The following SSR1 variants were observed in gnomAD, a reference collection of about 807,000 sequenced individuals.
The protein encoded by SSR1 is signal sequence receptor subunit 1, also known as translocon-associated protein subunit alpha.
In SSR1, 13 loss-of-function variants were observed where a neutral mutation model predicts 36.1. That is an observed-to-expected ratio of 0.36 (90% CI 0.23 to 0.57). SSR1 has a LOEUF of 0.57. SSR1 is among the 20% of genes least tolerant of loss of function. SSR1 has a pLI of 0.81. For missense variants in SSR1, 291 were observed against 338.5 expected, an observed-to-expected ratio of 0.86 and a Z score of 1.10; for synonymous variants, 113 against 118.9, an observed-to-expected ratio of 0.95 and a Z score of 0.32.
Position 7,297,938 on chromosome 6 carries a change from G to A in SSR1, c.684C>T (p.Leu228=). The A allele has an allele frequency of 1.2e-6, 2 of 1,613,140 alleles. No homozygotes were observed. The highest frequency in any genetic ancestry group is 1.7e-6 in the Non-Finnish European group (2 of 1,179,526). ...GLLVIVGLHQ[L]LESRKRKRPI... ...CCATAATTACCTTTCTAGATTCTAG[G>A]AGTTGATGAAGGCCAACAATAACCA... Residue 228 remains leucine, a synonymous_variant, in exon 6 of 8, where the codon CTC becomes CTT. Transcript: ENST00000244763.
At chr6:7,298,873 G>A (rs1288321369) in intron 4 of SSR1, 50 bp from the exon 5 acceptor site, 2 of 1,409,434 alleles carry the variant, frequency 1.4e-6, no homozygotes, top group Non-Finnish European at 1.0e-6. Flanking sequence ...AATAAAGGAA[G>A]TAAAACATGT....
At chr6:7,307,137 G>A (rs987313619) in intron 2 of SSR1, among the ~76,000 whole-genome samples, 2 of 152,092 alleles carry the variant, frequency 1.3e-5, no homozygotes, top group Non-Finnish European at 2.9e-5. Context: ...CTGAGTATAG[G>A]GTGATAAATC....
In SSR1 at chr6:7,306,639, A is replaced by G. The variant is rs1043903893; in HGVS notation, c.193-3002T>C. Among the ~76,000 whole-genome samples, 6 of 151,834 alleles carry G rather than the reference A, an allele frequency of 4.0e-5. No individual in the cohort carries two copies. The East Asian group carries it at 5.9e-4, about 15-fold the overall frequency. On this transcript the variant is annotated intron_variant, in intron 2 of 7. Coordinates refer to ENST00000244763, the MANE Select transcript of SSR1 (RefSeq NM_003144.5). ...TAGAAAAGCCCAAGGTGACTAGGCC[A>G]GGTGCAGTGGCTCATGCCTGTAATC...
intron 7 of SSR1, chr6:7,294,923 AAT>A: frequency 2.0e-6 from 1 of 503,376 alleles, no homozygotes; most frequent in East Asian, 3.4e-5. Context: ...ATTGTCGGGT[AAT>A]ATTTTAGGTT....
chr6:7,289,944 AGAAAGTTTTAAGCTTGCCTATTAT>A lies in SSR1; in HGVS notation c.794-37_794-14del. On this transcript the variant is annotated splice_polypyrimidine_tract_variant and intron_variant, in intron 7 of 7. Coordinates refer to ENST00000244763, the MANE Select transcript of SSR1 (RefSeq NM_003144.5). ...GGTGAAGCTTTATCTGGAAGAAAAG[AGAAAGTTTTAAGCTTGCCTATTAT>A]AAGTATATTGAATTCAAAAGACATG... The A allele has an allele frequency of 1.3e-6, 2 of 1,533,332 alleles. No individual in the cohort carries two copies. Among genetic ancestry groups the A allele is most frequent in the African/African-American group, 1.4e-5 (1 of 69,486 alleles). The allele number at this position is 1,533,332 out of a possible 1,614,324, so 95.0% of individuals were successfully genotyped here. A position where few individuals can be genotyped will look rare whatever the true frequency, so the allele number is the denominator to read the frequency against.
At chr6:7,292,941 A>C (rs1305615186) in intron 7 of SSR1, among the ~76,000 whole-genome samples, 3 of 152,192 alleles carry the variant, frequency 2.0e-5, no homozygotes, top group Admixed American at 6.5e-5. Flanking sequence ...AGCAGTAGAG[A>C]AAACAATTTA....
At position 7,287,778 on chromosome 6, in the gene SSR1, G is replaced by A. The variant is rs1757587619; in HGVS notation, c.*2086C>T. The A allele has an allele frequency of 6.6e-6, 1 of 152,592 alleles. No individual in the cohort carries two copies. Among genetic ancestry groups the A allele is most frequent in the Non-Finnish European group, 1.5e-5 (1 of 68,054 alleles). The allele number at this position is 152,592 out of a possible 1,614,324, so 9.5% of individuals were successfully genotyped here. The stretch of plus-strand genomic sequence containing the variant: ...ATTTTAAAAAGACATTTAAAAAATA[G>A]GCTACTTATTAAGTGTGCTTGAACA... On this transcript the variant is annotated 3_prime_UTR_variant, in exon 8 of 8. Transcript: ENST00000244763.
Position 7,309,670 on chromosome 6 carries a change from G to A in SSR1, c.192+247C>T, listed in dbSNP as rs575287267. On this transcript the variant is annotated intron_variant, in intron 2 of 7. Coordinates refer to ENST00000244763, the MANE Select transcript of SSR1 (RefSeq NM_003144.5). ...CACAAGATCTGATGGTTTTTATAAG[G>A]GGCTTTCCCCACCCTTTGCTCTGCA... is the stretch of plus-strand genomic sequence containing the variant. Among the ~76,000 whole-genome samples the A allele has an allele frequency of 1.6e-4, 24 of 152,184 alleles. No homozygotes were observed. In the South Asian group the frequency reaches 5.0e-3, roughly 32 times the overall value.
intron 7 of SSR1, among the ~76,000 whole-genome samples, chr6:7,294,295 A>G (rs1757744169): frequency 6.6e-6 from 1 of 152,260 alleles, no homozygotes; most frequent in African/African-American, 2.4e-5. Context: ...AGTTGTAGAC[A>G]GCATGATGCA....
chr6:7,293,992 C>T (rs1757737632), intron 7 of SSR1, among the ~76,000 whole-genome samples: 1 of 152,030 alleles, frequency 6.6e-6, no homozygotes, highest in African/African-American at 2.4e-5. Context: ...CTTTTTTTCC[C>T]CTTTTAGGAG....
chr6:7,297,047 C>T (rs1757812026), intron 6 of SSR1: 1 of 251,546 alleles, frequency 4.0e-6, no homozygotes. Flanking sequence ...ATGGCGAAAC[C>T]CTGTCTCTAC....
In SSR1 at chr6:7,284,006, T is replaced by C. The variant is rs1237699173; in HGVS notation, c.*5858A>G. On this transcript the variant is annotated 3_prime_UTR_variant, in exon 8 of 8. Transcript: ENST00000244763. The stretch of plus-strand genomic sequence containing the variant: ...GAAGGGCAGAGCAGATGCTTGATGT[T>C]CTCCATCTGAACACTACTCTTGACC... The C allele has an allele frequency of 6.6e-6, 1 of 152,240 alleles. No individual in the cohort carries two copies. The highest frequency in any genetic ancestry group is 1.5e-5 in the Non-Finnish European group (1 of 68,048). The allele number at this position is 152,240 out of a possible 1,614,324, so 9.4% of individuals were successfully genotyped here. A position where few individuals can be genotyped will look rare whatever the true frequency, so the allele number is the denominator to read the frequency against.
At chr6:7,303,419 C>G (rs112067568) in intron 3 of SSR1, 131 bp downstream of exon 3, 258 of 537,686 alleles carry the variant, frequency 4.8e-4, no homozygotes, top group African/African-American at 4.4e-3. Context: ...TTTATTGTGT[C>G]TATATCACCT....
Position 7,313,061 on chromosome 6 carries a change from C to T in SSR1, c.60G>A (p.Leu20=). 1.2e-6 allele frequency: 2 copies of T among 1,608,808 alleles called. No individual in the cohort carries two copies. ...CCTCACCTCTGGGGCCGCCTCGGAA[C>T]AAGACAGTGGCAGGGAACACGAGTA... The part of the protein sequence containing the change: ...LLLLVFPATV[L]FRGGPRGLLA... The change falls in exon 1 of 8, where the codon TTG becomes TTA. Residue 20 remains leucine, a synonymous_variant. Transcript: ENST00000244763.
chr6:7,290,965 C>A (rs746872437), intron 7 of SSR1, among the ~76,000 whole-genome samples: 33 of 129,524 alleles, frequency 2.5e-4, no homozygotes, highest in Non-Finnish European at 5.3e-4. Flanking sequence ...ACGATCTCCG[C>A]TCTCCACCTC....
At chr6:7,303,051 G>A (rs1270826413) in intron 3 of SSR1, among the ~76,000 whole-genome samples, 1 of 140,562 alleles carries the variant, frequency 7.1e-6, no homozygotes, top group Non-Finnish European at 1.5e-5. Context: ...CAGGAGAATC[G>A]CTTGAAACCG....
intron 6 of SSR1, among the ~76,000 whole-genome samples, chr6:7,296,236 T>G (rs1385432700): frequency 6.6e-6 from 1 of 152,174 alleles, no homozygotes; most frequent in Non-Finnish European, 1.5e-5. Flanking sequence ...AAACCTCAGT[T>G]TATCTACATA....
intron 2 of SSR1, among the ~76,000 whole-genome samples, chr6:7,307,633 C>CT (rs1758100103): frequency 6.6e-6 from 1 of 152,200 alleles, no homozygotes; most frequent in African/African-American, 2.4e-5. Context: ...CACTGAACTT[C>CT]TGGGCTCAAG....
intron 4 of SSR1, among the ~76,000 whole-genome samples, chr6:7,300,493 C>T (rs1757909706): frequency 6.6e-6 from 1 of 152,088 alleles, no homozygotes; most frequent in South Asian, 2.1e-4. Context: ...GCTGCTGAAA[C>T]TACATTGAAA....
Sources: gnomAD v4.1 joint callset for allele counts (sites outside exome capture counted in the v4.1 genomes callset) on GRCh38, gnomAD v4.1.1 for gene constraint, MANE v1.5 for transcripts, NCBI Gene and HGNC (gene_info 2026-07-23, HGNC 2026-07-21) for gene names.